Variants in PARVB observed in about 807,000 individuals in gnomAD.
The protein encoded by PARVB is beta-parvin.
In PARVB, 46 loss-of-function variants were observed where a neutral mutation model predicts 47.0. That is an observed-to-expected ratio of 0.98 (90% CI 0.77 to 1.25). The LOEUF (loss-of-function observed/expected upper bound fraction) is 1.25. PARVB is among the 50% of genes most tolerant of loss of function. The probability of loss-of-function intolerance (pLI) is 0.00; values close to 1 mark genes in which losing one functional copy is unlikely to be tolerated. For missense variants in PARVB, 473 were observed against 471.6 expected (o/e 1.00, Z -0.03); for synonymous variants, 196 against 196.3 (o/e 1.00, Z 0.01).
At chr22:44,033,634 C>T (rs1384426623) in intron 1 of PARVB, among the ~76,000 whole-genome samples, 2 of 152,178 alleles carry the variant, frequency 1.3e-5, no homozygotes, top group East Asian at 3.9e-4. Flanking sequence ...GCCAGCCACC[C>T]ACAATCAGTC....
Position 44,081,772 on chromosome 22 carries a change from C to T in PARVB, c.113-12156C>T, listed in dbSNP as rs575085234. ...TCGGAGGGGCGGTGACGGTGACACA[C>T]GCCAGGGGAAAGGTTGGCATCCTCT... is the stretch of plus-strand genomic sequence containing the variant. On this transcript the variant is annotated intron_variant, in intron 1 of 12. Transcript: ENST00000338758. 7 of 227,712 alleles carry T rather than the reference C, an allele frequency of 3.1e-5. No individual in the cohort carries two copies. The South Asian group carries it at 7.9e-4, about 26-fold the overall frequency. The allele number at this position is 227,712 out of a possible 1,614,324, so 14.1% of individuals were successfully genotyped here.
At chr22:44,164,411 C>CG (rs1555913772) in intron 12 of PARVB, among the ~76,000 whole-genome samples, 6 of 142,996 alleles carry the variant, frequency 4.2e-5, no homozygotes, top group African/African-American at 1.3e-4. Context: ...CTTCCCTGTC[C>CG]CCCCCCCGGC....
chr22:44,120,841 GTT>G (rs61215212), intron 4 of PARVB, among the ~76,000 whole-genome samples: 14 of 143,046 alleles, frequency 9.8e-5, no homozygotes, highest in African/African-American at 3.3e-4. Flanking sequence ...ACACTTGGCT[GTT>G]TTTTTTTTTT....
At chr22:44,007,398 A>G (rs987064651) in intron 2 of PARVB, among the ~76,000 whole-genome samples, 3 of 152,114 alleles carry the variant, frequency 2.0e-5, no homozygotes, top group African/African-American at 7.2e-5. Flanking sequence ...ATTCATGTGA[A>G]TTTCCAGTCG....
intron 2 of PARVB, among the ~76,000 whole-genome samples, chr22:44,011,693 A>G (rs181337447): frequency 2.6e-4 from 40 of 152,118 alleles, no homozygotes; most frequent in Middle Eastern, 3.4e-3. Context: ...GGCCCCTTAC[A>G]CACCCCTGCC....
At chr22:44,081,286 G>T (rs1342694140) in intron 1 of PARVB, among the ~76,000 whole-genome samples, 1 of 152,132 alleles carries the variant, frequency 6.6e-6, no homozygotes, top group Non-Finnish European at 1.5e-5. Flanking sequence ...TTTGGAAGGG[G>T]CCTGTCTCCG....
At chr22:44,037,818 C>T (rs983422643) in intron 1 of PARVB, among the ~76,000 whole-genome samples, 10 of 152,212 alleles carry the variant, frequency 6.6e-5, no homozygotes, top group African/African-American at 2.4e-4. Context: ...AGAGGAGACA[C>T]ATTAGATCCT....
chr22:44,155,759 G>A lies in PARVB; in HGVS notation c.844-2223G>A, dbSNP rs183060631. Among the ~76,000 whole-genome samples the A allele has an allele frequency of 4.6e-5, 7 of 152,128 alleles. No individual in the cohort carries two copies. The highest frequency in any genetic ancestry group is 3.3e-4 in the Admixed American group (5 of 15,268). ...ACACTTAAAAGAATTCTTCAAACCC[G>A]TCTGATCTCCTTAATGATAGGAGTG... On this transcript the variant is annotated intron_variant, in intron 10 of 12. Transcript: ENST00000338758. The surrounding 1 kb of genome is among the most constrained non-coding windows in gnomAD (Gnocchi z 4.8).
chr22:44,124,998 C>A (rs1477747482), intron 4 of PARVB, among the ~76,000 whole-genome samples: 1 of 151,668 alleles, frequency 6.6e-6, no homozygotes, highest in Non-Finnish European at 1.5e-5. Flanking sequence ...GCACACTCTG[C>A]ACAAATGGCT....
At chr22:44,066,848 C>T (rs1292608092) in intron 1 of PARVB, among the ~76,000 whole-genome samples, 4 of 92,546 alleles carry the variant, frequency 4.3e-5, no homozygotes, top group African/African-American at 9.6e-5. Context: ...CTCCTCTCTT[C>T]TTCTTCCTTT....
chr22:44,050,952 C>T (rs764368505), intron 1 of PARVB, among the ~76,000 whole-genome samples: 16 of 152,144 alleles, frequency 1.1e-4, no homozygotes, highest in South Asian at 2.1e-4. Context: ...GGGGCTGAGC[C>T]GGGTGTGTAT....
rs185430546 is a variant in PARVB, at chr22:44,147,660, C to G, written c.713-201C>G. 2.6e-4 allele frequency: 195 copies of G among 743,532 alleles called. 3 individuals are homozygous for G. The East Asian group carries it at 4.9e-3, about 19-fold the overall frequency. The allele number at this position is 743,532 out of a possible 1,614,324, so 46.1% of individuals were successfully genotyped here. A position where few individuals can be genotyped will look rare whatever the true frequency, so the allele number is the denominator to read the frequency against. On this transcript the variant is annotated intron_variant, in intron 8 of 12. Transcript: ENST00000338758. The stretch of plus-strand genomic sequence containing the variant: ...CCACGCTGTTCTGGTTGTTCCCAAG[C>G]GCTCTTGCTCGCCTTGGTTTGGCCG...
chr22:44,038,596 C>G (rs751042013), intron 1 of PARVB, among the ~76,000 whole-genome samples: 1 of 152,134 alleles, frequency 6.6e-6, no homozygotes, highest in Non-Finnish European at 1.5e-5. Flanking sequence ...GCTTGGCCAA[C>G]ATGGCAAAAC....
intron 11 of PARVB, among the ~76,000 whole-genome samples, chr22:44,160,076 A>G (rs1267286172): frequency 7.2e-5 from 11 of 152,204 alleles, no homozygotes. Flanking sequence ...GTGCCCCATG[A>G]GCTATCTCAG....
rs1253490117 is a variant in PARVB at position 44,080,144 on chromosome 22, A to T, written c.113-13784A>T. Among the ~76,000 whole-genome samples, 8 of 152,340 alleles carry T rather than the reference A, an allele frequency of 5.3e-5. No individual in the cohort carries two copies. In the East Asian group the frequency reaches 1.5e-3, roughly 29 times the overall value. On this transcript the variant is annotated intron_variant, in intron 1 of 12. Coordinates refer to ENST00000338758, the MANE Select transcript of PARVB (RefSeq NM_013327.5). ...TTGTGCCAGGGGGCACCCGGTGTGG[A>T]GCAGGGCTCAGTAAAACTGCTGCAA...
chr22:44,156,427 G>C (rs1327528095), intron 10 of PARVB, among the ~76,000 whole-genome samples: 1 of 151,808 alleles, frequency 6.6e-6, no homozygotes. Context: ...TTACAGGCAT[G>C]CACCACCACA....
rs1315959023 is a variant in PARVB, at chr22:44,042,362, G to A, written c.112+17911G>A. ...CTTGAACCCGGGTGGCGGAGGTTGC[G>A]GTGAGCCGAGATTGTGCCACTTCAC... On this transcript the variant is annotated intron_variant, in intron 1 of 12. Coordinates refer to ENST00000338758, the MANE Select transcript of PARVB (RefSeq NM_013327.5). Among the ~76,000 whole-genome samples the A allele has an allele frequency of 3.3e-5, 5 of 151,882 alleles. No individual in the cohort carries two copies. The East Asian group carries it at 7.8e-4, about 24-fold the overall frequency.
chr22:44,045,031 T>C (rs2051090550), intron 1 of PARVB, among the ~76,000 whole-genome samples: 1 of 151,948 alleles, frequency 6.6e-6, no homozygotes, highest in South Asian at 2.1e-4. Context: ...TTGAGCCCGG[T>C]GGTTTGAGAC....
intron 10 of PARVB, chr22:44,152,166 TA>T: frequency 6.6e-6 from 1 of 151,018 alleles, no homozygotes; most frequent in Non-Finnish European, 1.5e-5. Flanking sequence ...TTTTTTTTTT[TA>T]AAGACAGAGT....
Sources: allele counts gnomAD v4.1 joint callset (sites outside exome capture counted in the v4.1 genomes callset), GRCh38; gene constraint gnomAD v4.1.1; non-coding constraint Gnocchi (gnomAD v3.1); transcripts MANE v1.5; gene names NCBI Gene and HGNC (gene_info 2026-07-23, HGNC 2026-07-21).